The following NAV3 variants were observed in gnomAD, a reference collection of about 807,000 sequenced individuals.
NAV3 encodes pore membrane and/or filament interacting like protein 1.
Under a neutral mutation model 244.7 loss-of-function variants are expected in NAV3, and 87 were observed. The ratio of observed to expected loss-of-function variants is 0.36; its 90% confidence interval spans 0.30 to 0.42. NAV3 has a LOEUF of 0.42. Among genes scored for constraint, NAV3 ranks in the 20% least tolerant of loss-of-function variants. NAV3 has a pLI of 1.00. For synonymous variants in NAV3, 1,126 were observed against 1,042.2 expected (o/e 1.08, Z -1.55); for missense variants, 2,663 against 2,893.3 (o/e 0.92, Z 1.83).
intron 1 of NAV3, among the ~76,000 whole-genome samples, chr12:77,845,781 G>T (rs1876529120): frequency 6.6e-6 from 1 of 151,400 alleles, no homozygotes; most frequent in Non-Finnish European, 1.5e-5. Context: ...AGCCTCCCAA[G>T]TAGCGGGGAT....
intron 1 of NAV3, among the ~76,000 whole-genome samples, chr12:77,929,798 A>ATTTTTTTTTT (rs10602394): frequency 6.4e-3 from 677 of 105,914 alleles, no homozygotes; most frequent in Non-Finnish European, 9.3e-3. Context: ...ACGGCCAGCT[A>ATTTTTTTTTT]TTTTTTTTTT....
At chr12:77,597,562 A>G (rs963270951) in intron 2 of NAV3, among the ~76,000 whole-genome samples, 2 of 152,090 alleles carry the variant, frequency 1.3e-5, no homozygotes, top group Non-Finnish European at 2.9e-5. Context: ...GAGTTATTGT[A>G]TTTTCAAGGA....
intron 1 of NAV3, among the ~76,000 whole-genome samples, chr12:77,912,627 G>T (rs1886716029): frequency 6.7e-6 from 1 of 149,814 alleles, no homozygotes; most frequent in African/African-American, 2.4e-5. Flanking sequence ...GGGGTTTTTT[G>T]TTTGTTTGTT....
intron 7 of NAV3, among the ~76,000 whole-genome samples, chr12:78,003,967 C>T (rs1281730806): frequency 6.6e-6 from 1 of 152,100 alleles, no homozygotes; most frequent in Non-Finnish European, 1.5e-5. Context: ...AGGAGTTACC[C>T]AATTAACTTG....
At chr12:77,658,181 G>A (rs955900334) in intron 2 of NAV3, among the ~76,000 whole-genome samples, 5 of 152,130 alleles carry the variant, frequency 3.3e-5, no homozygotes, top group African/African-American at 1.2e-4. Context: ...CCTGTTTGCA[G>A]ACGACATGAT....
chr12:77,753,662 G>C (rs538836451), intron 2 of NAV3, among the ~76,000 whole-genome samples: 2 of 152,106 alleles, frequency 1.3e-5, no homozygotes, highest in Non-Finnish European at 2.9e-5. Flanking sequence ...GAAAAAGGAG[G>C]GGGAAGTAGG....
intron 2 of NAV3, among the ~76,000 whole-genome samples, chr12:77,653,897 A>G (rs1241132666): frequency 1.3e-5 from 2 of 152,078 alleles, no homozygotes; most frequent in African/African-American, 4.8e-5. Context: ...GTAATGAAAA[A>G]AATTCTAGTT....
At chr12:77,926,752 T>A (rs1888263445) in intron 1 of NAV3, among the ~76,000 whole-genome samples, 1 of 152,124 alleles carries the variant, frequency 6.6e-6, no homozygotes, top group Non-Finnish European at 1.5e-5. Flanking sequence ...CCTGGTAAGT[T>A]GCATTTGTAA....
At chr12:77,827,128 G>T (rs1266899949), upstream of NAV3, among the ~76,000 whole-genome samples, 1 of 151,694 alleles carries the variant, frequency 6.6e-6, no homozygotes, top group African/African-American at 2.4e-5. Context: ...AGCTGCTTGG[G>T]AGGCTGAGGC....
intron 31 of NAV3, among the ~76,000 whole-genome samples, 196 bp downstream of exon 31, chr12:78,185,894 GT>G (rs1246475710): frequency 6.6e-6 from 1 of 151,842 alleles, no homozygotes; most frequent in Non-Finnish European, 1.5e-5. Context: ...TGTCTTACAT[GT>G]ACCTCACATT....
intron 12 of NAV3, among the ~76,000 whole-genome samples, chr12:78,063,195 T>C (rs919210005): frequency 2.6e-5 from 4 of 152,188 alleles, no homozygotes; most frequent in Non-Finnish European, 5.9e-5. Context: ...CTTAAAGATA[T>C]TGCAGTTCAT....
intron 9 of NAV3, among the ~76,000 whole-genome samples, chr12:78,048,423 A>C (rs1323483704): frequency 6.6e-6 from 1 of 152,062 alleles, no homozygotes. Context: ...TTTTGTGGAC[A>C]TTGATGCTAT....
At chr12:78,097,106 AG>A (rs747927638) in intron 12 of NAV3, among the ~76,000 whole-genome samples, 1 of 152,182 alleles carries the variant, frequency 6.6e-6, no homozygotes, top group Non-Finnish European at 1.5e-5. Flanking sequence ...GTAGCCTGAG[AG>A]CAGCTGGCAG....
intron 2 of NAV3, among the ~76,000 whole-genome samples, chr12:77,749,456 A>C (rs7955187): frequency 0.45 from 69,113 of 151,962 alleles, 15,980 homozygotes; most frequent in Middle Eastern, 0.5. Context: ...GATGGATGGG[A>C]AAGGCCATAC....
intron 2 of NAV3, among the ~76,000 whole-genome samples, chr12:77,708,108 G>A (rs1489592662): frequency 6.6e-6 from 1 of 152,166 alleles, no homozygotes; most frequent in Non-Finnish European, 1.5e-5. Context: ...ATTGCTTTTG[G>A]TGTTTCAGAC....
In NAV3 at chr12:78,120,161, C is replaced by T. The variant is rs115105399; in HGVS notation, c.3749+216C>T. On this transcript the variant is annotated intron_variant, in intron 15 of 39. Transcript: ENST00000397909. ...CTCATTTTGAGAAACAGTCAAACTT[C>T]AAAGTTTCACTGTCATTGTGATACT... is the stretch of plus-strand genomic sequence containing the variant. Among the ~76,000 whole-genome samples, 827 of 149,470 alleles carry T rather than the reference C, an allele frequency of 5.5e-3. 7 individuals are homozygous for T. The highest frequency in any genetic ancestry group is 0.02 in the African/African-American group (800 of 40,410).
intron 22 of NAV3, among the ~76,000 whole-genome samples, chr12:78,152,681 T>C (rs1478636163): frequency 1.3e-5 from 2 of 152,034 alleles, no homozygotes; most frequent in Non-Finnish European, 2.9e-5. Flanking sequence ...TGTTAATGTA[T>C]GTAATATACA....
rs34195711 is a variant in NAV3, at chr12:77,968,660, C to T, written c.629C>T (p.Ser210Leu). Residue 210 changes from serine to leucine, a missense_variant, in exon 5 of 40, where the codon TCG becomes TTG. Around this residue, in one of 6 missense-constraint regions of NAV3, gnomAD observed 1,521 missense variants for 1,497.0 expected, o/e 1.02. Transcript: ENST00000397909. ...CGAGTTACTCACGCTTCCCCTCCAT[C>T]GGAAGCCAGCCAGGCCAAAACCCAG... ...QQRVTHASPP[S>L]EASQAKTQQD... 7.1e-4 allele frequency: 1,143 copies of T among 1,614,028 alleles called. 2 individuals are homozygous for T. Among genetic ancestry groups the T allele is most frequent in the Middle Eastern group, 2.5e-3 (15 of 6,060 alleles).
chr12:78,116,805 C>T lies in NAV3; in HGVS notation c.2670C>T (p.Leu890=), dbSNP rs2138516194. The T allele has an allele frequency of 6.2e-7, 1 of 1,607,748 alleles. No homozygotes were observed. Among genetic ancestry groups the T allele is most frequent in the Non-Finnish European group, 8.5e-7 (1 of 1,175,902 alleles). Residue 890 remains leucine, a synonymous_variant, in exon 13 of 40, where the codon CTC becomes CTT. Transcript: ENST00000397909. ...WDDSSSVSSG[L]SDTLDNISTD... ...ACAGCAGTTCAGTGAGCAGTGGTCT[C>T]AGTGACACCCTTGATAACATCAGCA...
Sources: gnomAD v4.1 joint callset for allele counts (sites outside exome capture counted in the v4.1 genomes callset) on GRCh38, gnomAD v4.1.1 for gene constraint, gnomAD v4.1.1 regional missense constraint, MANE v1.5 for transcripts, NCBI Gene and HGNC (gene_info 2026-07-23, HGNC 2026-07-21) for gene names.